NMRK2: variants seen among roughly 807,000 people sequenced by gnomAD.
The protein encoded by NMRK2 is nicotinamide riboside kinase 2, also known as NRK 2.
Under a neutral mutation model 24.7 loss-of-function variants are expected in NMRK2, and 34 were observed. The ratio of observed to expected loss-of-function variants is 1.37; its 90% confidence interval spans 1.05 to 1.83. The LOEUF (loss-of-function observed/expected upper bound fraction) is 1.83, where lower values mean the gene tolerates loss of function less well. Among genes scored for constraint, NMRK2 ranks in the 40% most tolerant of loss-of-function variants. The probability of loss-of-function intolerance (pLI) is 0.00; values close to 1 mark genes in which losing one functional copy is unlikely to be tolerated. For synonymous variants in NMRK2, 145 were observed against 125.6 expected (o/e 1.15, Z -1.03); for missense variants, 341 against 315.0 (o/e 1.08, Z -0.62).
chr19:3,941,250 T>A (rs1270131646), intron 7 of NMRK2, 73 bp downstream of exon 7: 6 of 7,214 alleles, frequency 8.3e-4, no homozygotes, highest in Non-Finnish European at 4.2e-4. Context: ...CCTCTCCATC[T>A]TTTTTTTTTT....
intron 4 of NMRK2, among the ~76,000 whole-genome samples, chr19:3,937,946 C>T (rs1377956682): frequency 4.9e-4 from 43 of 88,592 alleles, no homozygotes; most frequent in East Asian, 1.7e-3. Context: ...CTGCAATACC[C>T]GCTCCCCGTC....
intron 4 of NMRK2, among the ~76,000 whole-genome samples, chr19:3,938,022 G>A (rs1211167607): frequency 2.6e-4 from 25 of 95,582 alleles, no homozygotes; most frequent in African/African-American, 6.4e-4. Context: ...CCCGGGGTCT[G>A]CCCTCCTGCA....
chr19:3,942,283 T>C lies in NMRK2; in HGVS notation c.*10T>C, dbSNP rs1485254536. On this transcript the variant is annotated 3_prime_UTR_variant, in exon 8 of 8. Transcript: ENST00000168977. ...GCAGGACAGCATGTGAGCGTTTCCC[T>C]ATGGGGGTGTCTGTACGTAGGAGAG... 2 of 1,594,096 alleles carry C rather than the reference T, an allele frequency of 1.3e-6. No individual in the cohort carries two copies. The highest frequency in any genetic ancestry group is 1.1e-5 in the South Asian group (1 of 89,068).
intron 7 of NMRK2, among the ~76,000 whole-genome samples, chr19:3,941,704 G>A (rs964015703): frequency 1.4e-5 from 2 of 148,054 alleles, no homozygotes; most frequent in Non-Finnish European, 1.5e-5. Context: ...GTGCAGTGGC[G>A]CGATCTTGGC....
intron 5 of NMRK2, among the ~76,000 whole-genome samples, chr19:3,939,653 C>T (rs1599164014): frequency 6.6e-6 from 1 of 152,142 alleles, no homozygotes; most frequent in Admixed American, 6.5e-5. Context: ...CACTGTGTGG[C>T]CCTGAGCAAG....
chr19:3,938,832 T>TTTG (rs1568180831), intron 5 of NMRK2, 73 bp downstream of exon 5: 3 of 600,290 alleles, frequency 5.0e-6, no homozygotes, highest in African/African-American at 4.4e-5. Context: ...GTTTTTTTTT[T>TTTG]TTTTTTTTTT....
At position 3,933,543 on chromosome 19, in the gene NMRK2, C is replaced by T; in HGVS notation, c.-129C>T. The stretch of plus-strand genomic sequence containing the variant: ...GGGCCGCCTCCCCCGGGGCGGCCTC[C>T]AGGCTGCCGAGACCTATAAAGGCGC... On this transcript the variant is annotated 5_prime_UTR_variant, in exon 2 of 8. Coordinates refer to ENST00000168977, the MANE Select transcript of NMRK2 (RefSeq NM_170678.3). The T allele has an allele frequency of 8.8e-7, 1 of 1,134,480 alleles. No homozygotes were observed. Among genetic ancestry groups the T allele is most frequent in the East Asian group, 3.2e-5 (1 of 31,684 alleles). 70.3% of individuals were successfully genotyped at this position (1,134,480 alleles called of 1,614,324 possible).
chr19:3,942,386 T>C lies in NMRK2; in HGVS notation c.*113T>C, dbSNP rs2039352355. 1 of 899,422 alleles carries C rather than the reference T, an allele frequency of 1.1e-6. No homozygotes were observed. The highest frequency in any genetic ancestry group is 2.7e-5 in the East Asian group (1 of 37,724). 55.7% of individuals were successfully genotyped at this position (899,422 alleles called of 1,614,324 possible). ...GACGCCTCTGTAACCTCGCTGCAGC[T>C]TCAGTAGTAAACTGGGTCCTGTTTT... On this transcript the variant is annotated 3_prime_UTR_variant, in exon 8 of 8. Transcript: ENST00000168977.
At chr19:3,933,371 G>C (rs1270598624) in intron 1 of NMRK2, 87 bp from the exon 2 acceptor site, 2 of 450,138 alleles carry the variant, frequency 4.4e-6, no homozygotes, top group Non-Finnish European at 7.9e-6. Context: ...GAGGGGAGGA[G>C]GGAGTGGAGA....
intron 6 of NMRK2, among the ~76,000 whole-genome samples, chr19:3,940,374 G>A (rs1396335557): frequency 1.6e-4 from 24 of 147,198 alleles, no homozygotes; most frequent in African/African-American, 4.5e-4. Context: ...GGCCAGGCGC[G>A]GTGGCTCACG....
At chr19:3,933,290 G>T in intron 1 of NMRK2, 112 bp downstream of exon 1, 1 of 260,778 alleles carries the variant, frequency 3.8e-6, no homozygotes. Context: ...CTGCTGATCT[G>T]AGCTCTCTGG....
intron 2 of NMRK2, 67 bp from the exon 3 acceptor site, chr19:3,936,508 C>G (rs908493691): frequency 8.3e-7 from 1 of 1,201,200 alleles, no homozygotes; most frequent in African/African-American, 1.5e-5. Context: ...ACCTCAGGCC[C>G]CCTTCTGAGC....
rs377372767 is a variant in NMRK2, at chr19:3,940,031, T to C, written c.395+60T>C. On this transcript the variant is annotated intron_variant, in intron 6 of 7. Coordinates refer to ENST00000168977, the MANE Select transcript of NMRK2 (RefSeq NM_170678.3). ...GAGGGCCCTGTCTTGAATTACTGGG[T>C]GGAACCAGCGGTAACCTAGAAAATG... The C allele has an allele frequency of 2.1e-5, 31 of 1,475,832 alleles. No individual in the cohort carries two copies. In the African/African-American group the frequency reaches 3.5e-4, roughly 17 times the overall value. 91.4% of individuals were successfully genotyped at this position (1,475,832 alleles called of 1,614,324 possible).
intron 2 of NMRK2, among the ~76,000 whole-genome samples, chr19:3,935,682 C>A (rs1217160066): frequency 6.6e-6 from 1 of 151,918 alleles, no homozygotes; most frequent in Non-Finnish European, 1.5e-5. Context: ...CAGGCTCAGG[C>A]GATCCTCCCA....
intron 4 of NMRK2, 22 bp downstream of exon 4, chr19:3,937,310 A>C (rs774732751): frequency 1.2e-6 from 2 of 1,609,228 alleles, no homozygotes; most frequent in Admixed American, 3.3e-5. Flanking sequence ...CATCACCTCC[A>C]AGCCCCACTA....
At chr19:3,941,981 G>A (rs983000231) in intron 7 of NMRK2, 102 bp from the exon 8 acceptor site, 45 of 928,240 alleles carry the variant, frequency 4.8e-5, no homozygotes, top group South Asian at 3.2e-4. Flanking sequence ...CCAGCAGCCC[G>A]ACTCTGCAGA....
intron 7 of NMRK2, 72 bp downstream of exon 7, chr19:3,941,249 CTTTTTT>C (rs34077521): frequency 5.5e-5 from 15 of 275,226 alleles, no homozygotes; most frequent in Middle Eastern, 1.3e-3. Context: ...CCCTCTCCAT[CTTTTTT>C]TTTTTTTTTT....
chr19:3,940,167 T>G (rs952106247), intron 6 of NMRK2, among the ~76,000 whole-genome samples, 196 bp downstream of exon 6: 1 of 151,118 alleles, frequency 6.6e-6, no homozygotes, highest in Non-Finnish European at 1.5e-5. Context: ...GCCAACATGG[T>G]GAAACCCCGT....
chr19:3,935,337 C>A (rs1343425685), intron 2 of NMRK2, among the ~76,000 whole-genome samples: 1 of 146,378 alleles, frequency 6.8e-6, no homozygotes, highest in East Asian at 2.1e-4. Context: ...CTCACTGCAA[C>A]CTCTGACTCC....
Sources: allele counts gnomAD v4.1 joint callset (sites outside exome capture counted in the v4.1 genomes callset), GRCh38; gene constraint gnomAD v4.1.1; transcripts MANE v1.5; gene names NCBI Gene and HGNC (gene_info 2026-07-23, HGNC 2026-07-21).